Variants in H2AC4 observed in about 807,000 individuals in gnomAD.
H2AC4 encodes histone H2A type 1-B/E.
A neutral mutation model predicts 6.1 loss-of-function variants in H2AC4; 8 were observed. The ratio of observed to expected loss-of-function variants is 1.31; its 90% CI spans 0.77 to 2.36. The LOEUF (loss-of-function observed/expected upper bound fraction) is 2.36. H2AC4 is among the 30% of genes most tolerant of loss of function. H2AC4 has a pLI of 0.00. For synonymous variants in H2AC4, 129 were observed against 78.4 expected, an observed-to-expected ratio of 1.64 and a Z score of -3.41; for missense variants, 260 against 180.4, an observed-to-expected ratio of 1.44 and a Z score of -2.53.
Position 26,033,586 on chromosome 6 carries a change from G to GT in H2AC4, c.-19_-18insA. 1 of 1,226,608 alleles carries GT rather than the reference G, an allele frequency of 8.2e-7. No individual in the cohort carries two copies. The highest frequency in any genetic ancestry group is 1.2e-6 in the Non-Finnish European group (1 of 864,404). The allele number at this position is 1,226,608 out of a possible 1,614,324, so 76.0% of individuals were successfully genotyped here. A position where few individuals can be genotyped will look rare whatever the true frequency, so the allele number is the denominator to read the frequency against. On this transcript the variant is annotated 5_prime_UTR_variant, in exon 1 of 1. Transcript: ENST00000615868. ...CCAGACATAACTACTTCTGATAAGG[G>GT]AAAATCGCCACAAGAAAATGTAATG...
Position 26,033,160 on chromosome 6 carries a change from A to C in H2AC4, c.*16T>G. ...TCTGCTGACAGAAAAACAGCAGTGC[A>C]TGAAGCGTTAACTCTTCACTTTCCC... On this transcript the variant is annotated 3_prime_UTR_variant, in exon 1 of 1. Transcript: ENST00000615868. 7 of 1,613,316 alleles carry C rather than the reference A, an allele frequency of 4.3e-6. No homozygotes were observed. Among genetic ancestry groups the C allele is most frequent in the Non-Finnish European group, 5.9e-6 (7 of 1,179,840 alleles).
chr6:26,033,144 A>T lies in H2AC4; in HGVS notation c.*32T>A. 6.2e-7 allele frequency: 1 copy of T among 1,604,214 alleles called. No individual in the cohort carries two copies. The highest frequency in any genetic ancestry group is 1.1e-5 in the South Asian group (1 of 89,162). ...TGTTAGGCTGATTTTGTCTGCTGAC[A>T]GAAAAACAGCAGTGCATGAAGCGTT... On this transcript the variant is annotated 3_prime_UTR_variant, in exon 1 of 1. Coordinates refer to ENST00000615868, the MANE Select transcript of H2AC4 (RefSeq NM_003513.3).
Position 26,033,594 on chromosome 6 carries a change from C to G in H2AC4, c.-26G>C, listed in dbSNP as rs186497374. On this transcript the variant is annotated 5_prime_UTR_variant, in exon 1 of 1. Coordinates refer to ENST00000615868, the MANE Select transcript of H2AC4 (RefSeq NM_003513.3). ...AACTACTTCTGATAAGGGAAAATCG[C>G]CACAAGAAAATGTAATGAAACTACA... is the stretch of plus-strand genomic sequence containing the variant. 8.5e-4 allele frequency: 1,364 copies of G among 1,605,576 alleles called. 1 individual carries two copies. The highest frequency in any genetic ancestry group is 1.1e-3 in the Non-Finnish European group (1,319 of 1,177,010).
Position 26,033,613 on chromosome 6 carries a change from AACT to A in H2AC4, c.-48_-46del. On this transcript the variant is annotated 5_prime_UTR_variant, in exon 1 of 1. Coordinates refer to ENST00000615868, the MANE Select transcript of H2AC4 (RefSeq NM_003513.3). ...AAATCGCCACAAGAAAATGTAATGAAACTACATTAGAACGCAAGGCAGAGAAGT... is the reference window on the plus strand; with the variant it reads ...AAATCGCCACAAGAAAATGTAATGAAACATTAGAACGCAAGGCAGAGAAGT... The A allele has an allele frequency of 6.3e-7, 1 of 1,592,706 alleles. No individual in the cohort carries two copies. The highest frequency in any genetic ancestry group is 8.6e-7 in the Non-Finnish European group (1 of 1,165,680).
At position 26,033,369 on chromosome 6, in the gene H2AC4, G is replaced by T. The variant is rs753982270; in HGVS notation, c.200C>A (p.Ala67Glu). 6.2e-7 allele frequency: 1 copy of T among 1,613,912 alleles called. No homozygotes were observed. Among genetic ancestry groups the T allele is most frequent in the Non-Finnish European group, 8.5e-7 (1 of 1,179,978 alleles). The change falls in exon 1 of 1, where the codon GCG becomes GAG. Residue 67 changes from alanine (A) to glutamate (E), a missense_variant. Coordinates refer to ENST00000615868, the MANE Select transcript of H2AC4 (RefSeq NM_003513.3). Reference protein sequence around the residue: ...EYLTAEILELAGNAARDNKKT... With the variant: ...EYLTAEILELEGNAARDNKKT... ...CTTGTTGTCGCGGGCCGCATTGCCC[G>T]CCAGCTCCAGGATCTCGGCGGTCAG...
chr6:26,033,280 G>C lies in H2AC4; in HGVS notation c.289C>G (p.Leu97Val). The C allele has an allele frequency of 6.2e-7, 1 of 1,614,156 alleles. No homozygotes were observed. Among genetic ancestry groups the C allele is most frequent in the Non-Finnish European group, 8.5e-7 (1 of 1,180,020 alleles). ...TGCGCGATGGTCACACGCCCCAAGAGTTTATTAAGCTCCTCGTCATTGCGG... is the reference window on the plus strand; with the variant it reads ...TGCGCGATGGTCACACGCCCCAAGACTTTATTAAGCTCCTCGTCATTGCGG... ...AIRNDEELNK[L>V]LGRVTIAQGG... Residue 97 changes from leucine (L) to valine (V), a missense_variant, in exon 1 of 1, where the codon CTC (leucine) becomes GTC (valine). By Grantham distance (32) the Leu-to-Val change is conservative. Transcript: ENST00000615868.
rs33919743 is a variant in H2AC4, at chr6:26,033,582, A to AAGC, written c.-15_-14insGCT. ...GCGACCAGACATAACTACTTCTGAT[A>AAGC]AGGGAAAATCGCCACAAGAAAATGT... is the stretch of plus-strand genomic sequence containing the variant. On this transcript the variant is annotated 5_prime_UTR_variant, in exon 1 of 1. Coordinates refer to ENST00000615868, the MANE Select transcript of H2AC4 (RefSeq NM_003513.3). 3 of 1,489,044 alleles carry AAGC rather than the reference A, an allele frequency of 2.0e-6. No homozygotes were observed. Among genetic ancestry groups the AAGC allele is most frequent in the Non-Finnish European group, 2.7e-6 (3 of 1,129,774 alleles). The allele number at this position is 1,489,044 out of a possible 1,614,324, so 92.2% of individuals were successfully genotyped here. A position where few individuals can be genotyped will look rare whatever the true frequency, so the allele number is the denominator to read the frequency against.
chr6:26,033,557 G>A lies in H2AC4; in HGVS notation c.12C>T (p.Arg4=), dbSNP rs1761511094. Residue 4 remains arginine, a synonymous_variant, in exon 1 of 1, where the codon CGC becomes CGT. Coordinates refer to ENST00000615868, the MANE Select transcript of H2AC4 (RefSeq NM_003513.3). MSG[R]GKQGGKARAK... is the part of the protein sequence containing the mutation. Reference sequence around the variant, plus strand: ...CGCGAGCTTTACCGCCTTGTTTGCCGCGACCAGACATAACTACTTCTGATA... The same window carrying A: ...CGCGAGCTTTACCGCCTTGTTTGCCACGACCAGACATAACTACTTCTGATA... The A allele has an allele frequency of 3.1e-6, 5 of 1,597,344 alleles. No homozygotes were observed. Among genetic ancestry groups the A allele is most frequent in the African/African-American group, 1.5e-5 (1 of 67,036 alleles).
At position 26,033,134 on chromosome 6, in the gene H2AC4, G is replaced by A. The variant is rs751822392; in HGVS notation, c.*42C>T. The A allele has an allele frequency of 1.2e-6, 2 of 1,602,878 alleles. No individual in the cohort carries two copies. Among genetic ancestry groups the A allele is most frequent in the East Asian group, 2.2e-5 (1 of 44,842 alleles). ...GAGCCTTTGCTGTTAGGCTGATTTT[G>A]TCTGCTGACAGAAAAACAGCAGTGC... On this transcript the variant is annotated 3_prime_UTR_variant, in exon 1 of 1. Coordinates refer to ENST00000615868, the MANE Select transcript of H2AC4 (RefSeq NM_003513.3).
At position 26,033,112 on chromosome 6, in the gene H2AC4, C is replaced by T. The variant is rs1761495278; in HGVS notation, c.*64G>A. The T allele has an allele frequency of 3.8e-6, 6 of 1,587,208 alleles. No homozygotes were observed. The highest frequency in any genetic ancestry group is 5.1e-6 in the Non-Finnish European group (6 of 1,167,176). On this transcript the variant is annotated 3_prime_UTR_variant, in exon 1 of 1. Transcript: ENST00000615868. ...AAGTCGTAGGTGGCTCTGAAAAGAGCCTTTGCTGTTAGGCTGATTTTGTCT... is the reference window on the plus strand; with the variant it reads ...AAGTCGTAGGTGGCTCTGAAAAGAGTCTTTGCTGTTAGGCTGATTTTGTCT...
At position 26,033,407 on chromosome 6, in the gene H2AC4, C is replaced by T. The variant is rs200212980; in HGVS notation, c.162G>A (p.Ala54=). ...VGAGAPVYLA[A]VLEYLTAEIL... ...TCTCGGCGGTCAGGTACTCAAGCAC[C>T]GCCGCGAGATACACCGGCGCGCCAG... Residue 54 remains alanine, a synonymous_variant, in exon 1 of 1, where the codon GCG becomes GCA. Transcript: ENST00000615868. 1.5e-5 allele frequency: 25 copies of T among 1,613,842 alleles called. No individual in the cohort carries two copies. Among genetic ancestry groups the T allele is most frequent in the Non-Finnish European group, 2.0e-5 (24 of 1,179,946 alleles).
At position 26,033,401 on chromosome 6, in the gene H2AC4, A is replaced by C. The variant is rs1290233668; in HGVS notation, c.168T>G (p.Leu56=). ...AGAPVYLAAV[L]EYLTAEILEL... ...CCAGGATCTCGGCGGTCAGGTACTC[A>C]AGCACCGCCGCGAGATACACCGGCG... The change falls in exon 1 of 1, where the codon CTT becomes CTG. Residue 56 remains leucine, a synonymous_variant. Coordinates refer to ENST00000615868, the MANE Select transcript of H2AC4 (RefSeq NM_003513.3). The C allele has an allele frequency of 2.5e-6, 4 of 1,613,926 alleles. No individual in the cohort carries two copies. The highest frequency in any genetic ancestry group is 4.5e-5 in the East Asian group (2 of 44,858).
chr6:26,033,403 G>C lies in H2AC4; in HGVS notation c.166C>G (p.Leu56Val), dbSNP rs761299529. 3.1e-6 allele frequency: 5 copies of C among 1,613,994 alleles called. No individual in the cohort carries two copies. Among genetic ancestry groups the C allele is most frequent in the South Asian group, 1.1e-5 (1 of 91,068 alleles). ...AGAPVYLAAVLEYLTAEILEL... is the reference protein window; with the variant it reads ...AGAPVYLAAVVEYLTAEILEL... ...AGGATCTCGGCGGTCAGGTACTCAA[G>C]CACCGCCGCGAGATACACCGGCGCG... The change falls in exon 1 of 1, where the codon CTT becomes GTT. Residue 56 changes from leucine (L) to valine (V), a missense_variant. Transcript: ENST00000615868.
chr6:26,033,485 C>T lies in H2AC4; in HGVS notation c.84G>A (p.Val28=), dbSNP rs774495161. The T allele has an allele frequency of 6.2e-7, 1 of 1,614,192 alleles. No individual in the cohort carries two copies. Among genetic ancestry groups the T allele is most frequent in the Non-Finnish European group, 8.5e-7 (1 of 1,180,040 alleles). ...TGCGGAGCAGGCGGTGCACTCGGCC[C>T]ACAGGAAACTGCAAACCTGCACGAG... ...RSSRAGLQFP[V]GRVHRLLRKG... is the part of the protein sequence containing the mutation. Residue 28 remains valine, a synonymous_variant, in exon 1 of 1, where the codon GTG becomes GTA. Transcript: ENST00000615868.
chr6:26,033,579 G>GTTA lies in H2AC4; in HGVS notation c.-12_-11insTAA. 6.7e-7 allele frequency: 1 copy of GTTA among 1,489,628 alleles called. No individual in the cohort carries two copies. Among genetic ancestry groups the GTTA allele is most frequent in the African/African-American group, 2.6e-5 (1 of 38,070 alleles). The allele number at this position is 1,489,628 out of a possible 1,614,324, so 92.3% of individuals were successfully genotyped here. ...GCCGCGACCAGACATAACTACTTCT[G>GTTA]ATAAGGGAAAATCGCCACAAGAAAA... On this transcript the variant is annotated 5_prime_UTR_variant, in exon 1 of 1. Coordinates refer to ENST00000615868, the MANE Select transcript of H2AC4 (RefSeq NM_003513.3).
At position 26,033,533 on chromosome 6, in the gene H2AC4, G is replaced by A. The variant is rs757182211; in HGVS notation, c.36C>T (p.Arg12=). Reference sequence around the variant, plus strand: ...GAGAAGACCGAGTCTTAGCCTTGGCGCGAGCTTTACCGCCTTGTTTGCCGC... The same window carrying A: ...GAGAAGACCGAGTCTTAGCCTTGGCACGAGCTTTACCGCCTTGTTTGCCGC... ...SGRGKQGGKA[R]AKAKTRSSRA... Residue 12 remains arginine, a synonymous_variant, in exon 1 of 1, where the codon CGC becomes CGT. Coordinates refer to ENST00000615868, the MANE Select transcript of H2AC4 (RefSeq NM_003513.3). The A allele has an allele frequency of 1.2e-5, 20 of 1,613,740 alleles. No homozygotes were observed. The highest frequency in any genetic ancestry group is 4.5e-5 in the East Asian group (2 of 44,858).
chr6:26,033,479 T>TA lies in H2AC4; in HGVS notation c.89_90insT (p.Val31SerfsTer27), dbSNP rs1406041248. 1.9e-6 allele frequency: 3 copies of TA among 1,614,132 alleles called. No homozygotes were observed. The East Asian group carries it at 6.7e-5, about 36-fold the overall frequency. On this transcript the variant is annotated frameshift_variant, in exon 1 of 1. Coordinates refer to ENST00000615868, the MANE Select transcript of H2AC4 (RefSeq NM_003513.3). LOFTEE classifies it high-confidence loss of function. ...TGCCTTTGCGGAGCAGGCGGTGCAC[T>TA]CGGCCCACAGGAAACTGCAAACCTG...
rs992177371 is a variant in H2AC4, at chr6:26,033,237, T to C, written c.332A>G (p.Asn111Ser). The change falls in exon 1 of 1, where the codon AAT becomes AGT. Residue 111 changes from asparagine (N) to serine (S), a missense_variant. Asn to Ser is a conservative substitution (Grantham distance 46). Coordinates refer to ENST00000615868, the MANE Select transcript of H2AC4 (RefSeq NM_003513.3). ...CTTAGGCAGCAGCACCGCCTGAATA[T>C]TAGGCAAAACGCCACCCTGCGCGAT... ...VTIAQGGVLP[N>S]IQAVLLPKKT... The C allele has an allele frequency of 1.9e-6, 3 of 1,614,074 alleles. No individual in the cohort carries two copies. The highest frequency in any genetic ancestry group is 1.7e-6 in the Non-Finnish European group (2 of 1,180,028).
In H2AC4 at chr6:26,033,482, G is replaced by A. The variant is rs979411044; in HGVS notation, c.87C>T (p.Gly29=). Residue 29 remains glycine (G), a synonymous_variant, in exon 1 of 1, where the codon GGC becomes GGT. Transcript: ENST00000615868. ...SSRAGLQFPV[G]RVHRLLRKGN... ...CTTTGCGGAGCAGGCGGTGCACTCGGCCCACAGGAAACTGCAAACCTGCAC... is the reference window on the plus strand; with the variant it reads ...CTTTGCGGAGCAGGCGGTGCACTCGACCCACAGGAAACTGCAAACCTGCAC... 4 of 1,614,062 alleles carry A rather than the reference G, an allele frequency of 2.5e-6. No homozygotes were observed. The highest frequency in any genetic ancestry group is 1.3e-5 in the African/African-American group (1 of 74,926).
Sources: gnomAD v4.1 joint callset for allele counts on GRCh38, gnomAD v4.1.1 for gene constraint, MANE v1.5 for transcripts, NCBI Gene and HGNC (gene_info 2026-07-23, HGNC 2026-07-21) for gene names.